Variants in ASAP1 observed in about 807,000 individuals in gnomAD.
The protein encoded by ASAP1 is arf-GAP with SH3 domain, ANK repeat and PH domain-containing protein 1.
Under a neutral mutation model 145.2 loss-of-function variants are expected in ASAP1, and 43 were observed. That is an observed-to-expected ratio of 0.30 (90% CI 0.23 to 0.38). The LOEUF is 0.38. ASAP1 is among the 10% of genes least tolerant of loss of function. The probability of loss-of-function intolerance (pLI) is 1.00; values close to 1 mark genes in which losing one functional copy is unlikely to be tolerated. For synonymous variants in ASAP1, 546 were observed against 515.5 expected (o/e 1.06, Z -0.80); for missense variants, 1,018 against 1,355.3 (o/e 0.75, Z 3.91).
At chr8:130,214,388 C>G (rs1357053487) in intron 5 of ASAP1, among the ~76,000 whole-genome samples, 168 bp downstream of exon 5, 1 of 152,098 alleles carries the variant, frequency 6.6e-6, no homozygotes, top group Non-Finnish European at 1.5e-5. Context: ...GACTAAAAAG[C>G]TTTTTAGTTG....
At chr8:130,300,062 C>G (rs1056749953) in intron 3 of ASAP1, among the ~76,000 whole-genome samples, 1 of 147,570 alleles carries the variant, frequency 6.8e-6, no homozygotes, top group Non-Finnish European at 1.5e-5. Flanking sequence ...GAAAAACAAA[C>G]AAGCTATTAA....
intron 7 of ASAP1, among the ~76,000 whole-genome samples, chr8:130,182,776 A>G (rs1814443646): frequency 6.6e-6 from 1 of 151,228 alleles, no homozygotes; most frequent in Non-Finnish European, 1.5e-5. Context: ...AATGTCATTA[A>G]ATCTTCAGCT....
intron 3 of ASAP1, among the ~76,000 whole-genome samples, chr8:130,240,326 T>C (rs1818448163): frequency 6.6e-6 from 1 of 152,020 alleles, no homozygotes; most frequent in Non-Finnish European, 1.5e-5. Context: ...GCTTGAGTGT[T>C]TGGCCACTGG....
At chr8:130,121,501 G>A (rs2097565794) in intron 18 of ASAP1, among the ~76,000 whole-genome samples, 1 of 152,148 alleles carries the variant, frequency 6.6e-6, no homozygotes, top group Non-Finnish European at 1.5e-5. Flanking sequence ...AGTTTAAGAG[G>A]CTGGGTGCAG....
chr8:130,329,492 G>T (rs901782313), intron 3 of ASAP1, among the ~76,000 whole-genome samples: 2 of 152,154 alleles, frequency 1.3e-5, no homozygotes, highest in African/African-American at 4.8e-5. Context: ...TTGGAGGTCA[G>T]CTGGTCCAAA....
At chr8:130,102,065 T>C (rs2097529723) in intron 24 of ASAP1, among the ~76,000 whole-genome samples, 1 of 152,152 alleles carries the variant, frequency 6.6e-6, no homozygotes, top group Admixed American at 6.6e-5. Context: ...ACTTCCTCTT[T>C]TCCAGTTTGG....
intron 24 of ASAP1, among the ~76,000 whole-genome samples, chr8:130,093,686 A>AAAAAG (rs767063471): frequency 0.096 from 12,298 of 128,612 alleles, 1,019 homozygotes; most frequent in African/African-American, 0.17. Flanking sequence ...AAAAAAAAAA[A>AAAAAG]AAAGAAAGCT....
At chr8:130,357,780 C>A (rs1053941397) in intron 3 of ASAP1, among the ~76,000 whole-genome samples, 3 of 152,248 alleles carry the variant, frequency 2.0e-5, no homozygotes, top group Non-Finnish European at 4.4e-5. Flanking sequence ...GTGTCCACAG[C>A]TCGCTCAGTC....
At chr8:130,256,624 A>G (rs2136921692) in intron 3 of ASAP1, among the ~76,000 whole-genome samples, 1 of 151,670 alleles carries the variant, frequency 6.6e-6, no homozygotes, top group East Asian at 1.9e-4. Context: ...GCAAAAATGT[A>G]TTCACTTAGA....
intron 5 of ASAP1, among the ~76,000 whole-genome samples, chr8:130,190,523 A>G (rs1187194525): frequency 6.6e-6 from 1 of 151,802 alleles, no homozygotes; most frequent in Non-Finnish European, 1.5e-5. Flanking sequence ...ATTTATTTTT[A>G]TTTTTATTTT....
At chr8:130,324,697 C>T (rs1252392516) in intron 3 of ASAP1, among the ~76,000 whole-genome samples, 2 of 152,160 alleles carry the variant, frequency 1.3e-5, no homozygotes, top group Non-Finnish European at 2.9e-5. Flanking sequence ...TCTATGGATA[C>T]AAGAATAGGG....
At chr8:130,112,393 G>C in intron 23 of ASAP1, 71 bp from the exon 24 acceptor site, 1 of 1,385,230 alleles carries the variant, frequency 7.2e-7, no homozygotes, top group Non-Finnish European at 9.9e-7. Context: ...GGCCTCCGCA[G>C]GGCGGGCTCA....
rs185531025 is a variant in ASAP1, at chr8:130,269,336, T to G, written c.187-32342A>C. ...CAATGCAGATTTCTGTGATACAGTT[T>G]CCAAGTAAAATAGCCATTCTGTGAC... On this transcript the variant is annotated intron_variant, in intron 3 of 29. Coordinates refer to ENST00000518721, the MANE Select transcript of ASAP1 (RefSeq NM_018482.4). Among the ~76,000 whole-genome samples, 3 of 152,294 alleles carry G rather than the reference T, an allele frequency of 2.0e-5. 1 individual carries two copies. Among genetic ancestry groups the G allele is most frequent in the Admixed American group, 2.0e-4 (3 of 15,298 alleles).
Position 130,116,934 on chromosome 8 carries a change from T to C in ASAP1, c.1942A>G (p.Ser648Gly). The C allele has an allele frequency of 6.2e-7, 1 of 1,614,116 alleles. No homozygotes were observed. The highest frequency in any genetic ancestry group is 2.2e-5 in the East Asian group (1 of 44,878). ...AAAAGCTTCAAACACTCAGGTTTAC[T>C]GTACATACTACAGTAGTGTAGAACT... Reference protein sequence around the residue: ...NTVLHYCSMYSKPECLKLLLR... With the variant: ...NTVLHYCSMYGKPECLKLLLR... The change falls in exon 21 of 30, where the codon AGT (serine) becomes GGT (glycine). Residue 648 changes from serine (S) to glycine (G), a missense_variant. Coordinates refer to ENST00000518721, the MANE Select transcript of ASAP1 (RefSeq NM_018482.4).
chr8:130,231,694 T>G (rs1817917426), intron 4 of ASAP1, among the ~76,000 whole-genome samples: 1 of 152,196 alleles, frequency 6.6e-6, no homozygotes, highest in Admixed American at 6.5e-5. Flanking sequence ...CTCAAAAAGA[T>G]TAACATTTTC....
chr8:130,218,972 AAC>A (rs1370032940), intron 4 of ASAP1, among the ~76,000 whole-genome samples: 1 of 152,120 alleles, frequency 6.6e-6, no homozygotes, highest in African/African-American at 2.4e-5. Context: ...ATAAAAATAT[AAC>A]AGTTTAGTAA....
intron 13 of ASAP1, among the ~76,000 whole-genome samples, chr8:130,148,061 C>T (rs2135923132): frequency 6.6e-6 from 1 of 152,286 alleles, no homozygotes; most frequent in East Asian, 1.9e-4. Flanking sequence ...ACAAGTACTC[C>T]TCCTTCTCCT....
chr8:130,086,800 C>T (rs6470799), intron 25 of ASAP1, among the ~76,000 whole-genome samples: 88,445 of 151,928 alleles, frequency 0.58, 26,182 homozygotes, highest in East Asian at 0.68. Context: ...TAAGACCCTG[C>T]CTCAAAAACA....
chr8:130,400,345 T>C (rs1050990084), intron 2 of ASAP1, among the ~76,000 whole-genome samples: 1 of 152,194 alleles, frequency 6.6e-6, no homozygotes, highest in Admixed American at 6.5e-5. Flanking sequence ...GTCTAATTTT[T>C]ATCATCCTCT....
Sources: allele counts gnomAD v4.1 joint callset (sites outside exome capture counted in the v4.1 genomes callset), GRCh38; gene constraint gnomAD v4.1.1; transcripts MANE v1.5; gene names NCBI Gene and HGNC (gene_info 2026-07-23, HGNC 2026-07-21).